Variants in TENM2 observed in about 807,000 individuals in gnomAD.
TENM2 encodes the protein teneurin transmembrane protein 2.
A neutral mutation model predicts 245.2 loss-of-function variants in TENM2; 52 were observed. The ratio of observed to expected loss-of-function variants is 0.21; its 90% CI spans 0.17 to 0.27. The LOEUF (loss-of-function observed/expected upper bound fraction) is 0.27. Ranked by LOEUF, TENM2 falls within the 10% of genes least tolerant of loss-of-function variation. The pLI is 1.00. For missense variants in TENM2, 3,046 were observed against 3,666.8 expected, an observed-to-expected ratio of 0.83 and a Z score of 4.37; for synonymous variants, 1,363 against 1,438.9, an observed-to-expected ratio of 0.95 and a Z score of 1.19.
chr5:168,194,109 A>G (rs1189667862), intron 14 of TENM2, among the ~76,000 whole-genome samples: 2 of 152,204 alleles, frequency 1.3e-5, no homozygotes, highest in African/African-American at 4.8e-5. Flanking sequence ...CTTTGACAAG[A>G]TTGTGACAAA....
intron 5 of TENM2, among the ~76,000 whole-genome samples, chr5:168,013,158 A>T (rs79976027): frequency 1.6e-3 from 245 of 152,278 alleles, no homozygotes; most frequent in African/African-American, 5.5e-3. Flanking sequence ...AAATCTTATT[A>T]ATCAGAACTG....
chr5:167,664,861 G>T (rs1200978819), intron 2 of TENM2, among the ~76,000 whole-genome samples: 4 of 152,144 alleles, frequency 2.6e-5, no homozygotes, highest in Middle Eastern at 3.2e-3. Flanking sequence ...TATCATCCAA[G>T]AATTTCTCTA....
chr5:167,940,621 C>T (rs1779101016), intron 3 of TENM2, among the ~76,000 whole-genome samples: 1 of 152,150 alleles, frequency 6.6e-6, no homozygotes, highest in Non-Finnish European at 1.5e-5. Context: ...GCCTGCTTGG[C>T]CGGTTCCAAA....
chr5:167,849,490 A>G (rs561434044), intron 2 of TENM2, among the ~76,000 whole-genome samples: 2 of 152,264 alleles, frequency 1.3e-5, no homozygotes, highest in African/African-American at 2.4e-5. Flanking sequence ...CCAGCAACCA[A>G]TCAGTTCTCC....
chr5:167,103,051 A>G, the TENM2 span, among the ~76,000 whole-genome samples: 1 of 152,184 alleles, frequency 6.6e-6, no homozygotes, highest in African/African-American at 2.4e-5. Flanking sequence ...TTTGGCAGTC[A>G]CTTCAAGACT....
upstream of TENM2, among the ~76,000 whole-genome samples, chr5:167,284,463 C>T (rs1305472237): frequency 6.6e-6 from 1 of 152,126 alleles, no homozygotes; most frequent in Non-Finnish European, 1.5e-5. Flanking sequence ...ACAGTAAGAT[C>T]TTGCATTAGA....
At chr5:167,897,890 G>GT (rs35680049) in intron 3 of TENM2, among the ~76,000 whole-genome samples, 997 of 89,196 alleles carry the variant, frequency 0.011, 15 homozygotes, top group African/African-American at 0.028. Flanking sequence ...GTAGTAAATT[G>GT]TTTTTTTTTT....
At chr5:167,002,658 C>CA in the TENM2 span, among the ~76,000 whole-genome samples, 24 of 148,006 alleles carry the variant, frequency 1.6e-4, no homozygotes, top group South Asian at 2.2e-4. Context: ...ACAAAAAAAC[C>CA]AAAAAAACAA....
At chr5:167,268,797 G>A in the TENM2 span, among the ~76,000 whole-genome samples, 4 of 151,942 alleles carry the variant, frequency 2.6e-5, no homozygotes, top group African/African-American at 9.7e-5. Context: ...TTTACTGTCT[G>A]GATCTTTACA....
chr5:167,640,881 AT>A (rs1779546483), intron 2 of TENM2, among the ~76,000 whole-genome samples: 2 of 63,858 alleles, frequency 3.1e-5, no homozygotes, highest in African/African-American at 2.4e-4. Context: ...ATATATATAT[AT>A]ATATATATAT....
the TENM2 span, among the ~76,000 whole-genome samples, chr5:167,252,142 A>C: frequency 6.6e-6 from 1 of 152,210 alleles, no homozygotes; most frequent in East Asian, 1.9e-4. Context: ...TGCTTCTGAA[A>C]CCCAAAAGAG....
At chr5:167,154,818 C>G in the TENM2 span, among the ~76,000 whole-genome samples, 1 of 152,066 alleles carries the variant, frequency 6.6e-6, no homozygotes, top group African/African-American at 2.4e-5. Flanking sequence ...TATATTTGCC[C>G]TTAGGGAAAA....
chr5:167,950,554 T>A (rs1309265465), intron 3 of TENM2, among the ~76,000 whole-genome samples: 1 of 152,110 alleles, frequency 6.6e-6, no homozygotes, highest in East Asian at 1.9e-4. Flanking sequence ...CCCATCTTCC[T>A]GAGGCAAGTC....
At chr5:167,554,853 T>C (rs1773160602) in intron 2 of TENM2, among the ~76,000 whole-genome samples, 2 of 152,054 alleles carry the variant, frequency 1.3e-5, no homozygotes, top group Admixed American at 6.6e-5. Flanking sequence ...GGAGCTTCTC[T>C]CTCTCTCTGC....
chr5:168,211,412 C>T (rs1263165164), intron 19 of TENM2, among the ~76,000 whole-genome samples: 1 of 152,232 alleles, frequency 6.6e-6, no homozygotes, highest in Non-Finnish European at 1.5e-5. Context: ...CATGTTGGCA[C>T]CCAAGATATA....
the TENM2 span, among the ~76,000 whole-genome samples, chr5:167,044,334 G>A: frequency 6.6e-6 from 1 of 152,150 alleles, no homozygotes; most frequent in South Asian, 2.1e-4. Context: ...TATATGAATG[G>A]TGTGAAGACG....
intron 2 of TENM2, among the ~76,000 whole-genome samples, chr5:167,833,348 G>T (rs1410323078): frequency 2.0e-5 from 3 of 152,076 alleles, no homozygotes; most frequent in Non-Finnish European, 4.4e-5. Context: ...CAAACAATAG[G>T]ATCAAATGAC....
chr5:167,853,752 G>C (rs955891100), intron 2 of TENM2, among the ~76,000 whole-genome samples: 1 of 152,114 alleles, frequency 6.6e-6, no homozygotes, highest in African/African-American at 2.4e-5. Context: ...CACTTATTCT[G>C]TGCAGACTGA....
chr5:167,918,724 C>G (rs1777131759), intron 3 of TENM2, among the ~76,000 whole-genome samples: 1 of 151,596 alleles, frequency 6.6e-6, no homozygotes, highest in Non-Finnish European at 1.5e-5. Flanking sequence ...CCAGCACCTC[C>G]TGTTAGGCTG....
Sources: allele counts gnomAD v4.1 joint callset (sites outside exome capture counted in the v4.1 genomes callset), GRCh38; gene constraint gnomAD v4.1.1; transcripts MANE v1.5; gene names NCBI Gene and HGNC (gene_info 2026-07-23, HGNC 2026-07-21).